LRP1B: variants seen among roughly 807,000 people sequenced by gnomAD.
LRP1B encodes the protein low-density lipoprotein receptor-related protein 1B.
LRP1B carries 217 observed loss-of-function variants against 556.6 expected under a neutral mutation model. That is an observed-to-expected ratio of 0.39 (90% CI 0.35 to 0.44). The LOEUF (loss-of-function observed/expected upper bound fraction) is 0.44. Among genes scored for constraint, LRP1B ranks in the 20% least tolerant of loss-of-function variants. The pLI is 1.00. For synonymous variants in LRP1B, 2,047 were observed against 1,865.8 expected, an observed-to-expected ratio of 1.10 and a Z score of -2.50; for missense variants, 5,053 against 5,620.8, an observed-to-expected ratio of 0.90 and a Z score of 3.23.
At chr2:141,029,684 G>C (rs530549680) in intron 11 of LRP1B, among the ~76,000 whole-genome samples, 1 of 152,244 alleles carries the variant, frequency 6.6e-6, no homozygotes, top group East Asian at 1.9e-4. Flanking sequence ...CTCCCGGGCA[G>C]GGTAACCAGT....
chr2:140,876,583 T>C (rs566083490), intron 25 of LRP1B, among the ~76,000 whole-genome samples: 2 of 152,272 alleles, frequency 1.3e-5, no homozygotes, highest in South Asian at 4.2e-4. Flanking sequence ...ACCATCCCTG[T>C]ACAGGGTTCC....
chr2:140,545,559 G>T (rs1378472578), intron 43 of LRP1B, among the ~76,000 whole-genome samples: 4 of 152,016 alleles, frequency 2.6e-5, no homozygotes, highest in African/African-American at 9.7e-5. Flanking sequence ...CCCTTTGCTT[G>T]TTTTTGTCAG....
At chr2:140,702,917 T>C (rs1204718800) in intron 37 of LRP1B, among the ~76,000 whole-genome samples, 1 of 152,102 alleles carries the variant, frequency 6.6e-6, no homozygotes, top group African/African-American at 2.4e-5. Context: ...TGTGCTCTGC[T>C]TCACAACACA....
Position 142,130,807 on chromosome 2 carries a change from G to GGCAGC in LRP1B, c.-79_-78insGCTGC, listed in dbSNP as rs767585425. 1.3e-5 allele frequency: 15 copies of GGCAGC among 1,193,590 alleles called. No homozygotes were observed. Among genetic ancestry groups the GGCAGC allele is most frequent in the South Asian group, 6.4e-5 (5 of 78,062 alleles). The allele number at this position is 1,193,590 out of a possible 1,614,324, so 73.9% of individuals were successfully genotyped here. A position where few individuals can be genotyped will look rare whatever the true frequency, so the allele number is the denominator to read the frequency against. On this transcript the variant is annotated 5_prime_UTR_variant, in exon 1 of 91. Transcript: ENST00000389484. ...GGCCCGGCGGCGGCGGCGGCGGCAG[G>GGCAGC]GGCCGCTTGGAGCCTGGAATCGAGC... is the stretch of plus-strand genomic sequence containing the variant.
chr2:141,225,293 T>C (rs574806298), intron 6 of LRP1B, among the ~76,000 whole-genome samples: 44 of 152,210 alleles, frequency 2.9e-4, no homozygotes, highest in African/African-American at 8.9e-4. Flanking sequence ...TATTGAAGAA[T>C]TCACCCATAA....
At chr2:141,053,787 A>T (rs1431370811) in intron 10 of LRP1B, among the ~76,000 whole-genome samples, 1 of 150,998 alleles carries the variant, frequency 6.6e-6, no homozygotes, top group Non-Finnish European at 1.5e-5. Context: ...TTTTTCCTCC[A>T]ATGTGTGTAT....
intron 41 of LRP1B, among the ~76,000 whole-genome samples, chr2:140,687,887 A>T (rs1168020395): frequency 6.6e-6 from 1 of 152,114 alleles, no homozygotes; most frequent in East Asian, 1.9e-4. Context: ...TCCACAGGTG[A>T]TCTACTGTTT....
intron 1 of LRP1B, among the ~76,000 whole-genome samples, chr2:142,009,115 G>T (rs574227277): frequency 1.3e-5 from 2 of 152,262 alleles, no homozygotes; most frequent in South Asian, 2.1e-4. Flanking sequence ...GGAAATTGTT[G>T]CAGGAATTGC....
chr2:140,903,027 T>C lies in LRP1B; in HGVS notation c.3659A>G (p.Asn1220Ser), dbSNP rs766406935. The C allele has an allele frequency of 5.6e-6, 9 of 1,613,650 alleles. No homozygotes were observed. The highest frequency in any genetic ancestry group is 5.3e-5 in the African/African-American group (4 of 74,908). ...ACATACTTGGCTGCACTTTAGATGA[T>C]TGCTACAATAATCCACAATTTCACA... ...KTCEIVDYCS[N>S]HLKCSQVCEQ... Residue 1220 changes from asparagine to serine, a missense_variant, in exon 23 of 91, where the codon AAT becomes AGT. Asn to Ser is a conservative substitution (Grantham distance 46). Around this residue, in one of 5 missense-constraint regions of LRP1B, gnomAD observed 3,619 missense variants for 3,931.9 expected, o/e 0.92. Transcript: ENST00000389484.
chr2:141,120,853 A>G (rs1367105031), intron 7 of LRP1B, among the ~76,000 whole-genome samples: 1 of 151,988 alleles, frequency 6.6e-6, no homozygotes, highest in African/African-American at 2.4e-5. Flanking sequence ...GTCAGAAAAT[A>G]TGAGGTATTA....
intron 2 of LRP1B, among the ~76,000 whole-genome samples, chr2:141,661,356 A>C (rs971246392): frequency 6.6e-6 from 1 of 152,228 alleles, no homozygotes; most frequent in African/African-American, 2.4e-5. Context: ...AGTAGCCTTC[A>C]GAAGGTAGGT....
At chr2:141,627,837 C>A (rs1688758171) in intron 2 of LRP1B, among the ~76,000 whole-genome samples, 1 of 152,124 alleles carries the variant, frequency 6.6e-6, no homozygotes, top group South Asian at 2.1e-4. Context: ...ATGCATCACC[C>A]TGGTGCAGGA....
intron 2 of LRP1B, among the ~76,000 whole-genome samples, chr2:141,660,445 G>A (rs766685929): frequency 6.4e-4 from 98 of 152,172 alleles, no homozygotes; most frequent in Non-Finnish European, 3.4e-4. Flanking sequence ...GGAGTGGGGC[G>A]GCAGCCATCA....
intron 3 of LRP1B, among the ~76,000 whole-genome samples, chr2:141,421,034 T>C (rs1680118442): frequency 6.6e-6 from 1 of 152,170 alleles, no homozygotes; most frequent in Non-Finnish European, 1.5e-5. Context: ...AACGTAGCTG[T>C]TCTTGGCTTT....
At chr2:141,352,793 C>A (rs1420315106) in intron 3 of LRP1B, among the ~76,000 whole-genome samples, 1 of 151,880 alleles carries the variant, frequency 6.6e-6, no homozygotes, top group Non-Finnish European at 1.5e-5. Flanking sequence ...AAATCATGAT[C>A]TATAATTATT....
intron 2 of LRP1B, among the ~76,000 whole-genome samples, chr2:141,781,691 T>G (rs973147606): frequency 6.6e-6 from 1 of 152,172 alleles, no homozygotes; most frequent in Non-Finnish European, 1.5e-5. Flanking sequence ...CAAATAGCAC[T>G]AGCTGGCTTT....
chr2:140,544,120 T>C (rs1460815828), intron 43 of LRP1B, among the ~76,000 whole-genome samples: 2 of 152,018 alleles, frequency 1.3e-5, no homozygotes, highest in Admixed American at 1.3e-4. Flanking sequence ...AACATTTATA[T>C]TCCTTTAATA....
chr2:140,878,090 G>A (rs1693366249), intron 25 of LRP1B, among the ~76,000 whole-genome samples: 3 of 152,110 alleles, frequency 2.0e-5, no homozygotes, highest in African/African-American at 7.2e-5. Flanking sequence ...CATTGGGAAA[G>A]GATAAAAATG....
chr2:140,616,842 C>A (rs1683274397), intron 41 of LRP1B, among the ~76,000 whole-genome samples: 1 of 151,818 alleles, frequency 6.6e-6, no homozygotes, highest in Non-Finnish European at 1.5e-5. Flanking sequence ...ACTATCAGTT[C>A]ATGCCCTAGC....
Sources: allele counts gnomAD v4.1 joint callset (sites outside exome capture counted in the v4.1 genomes callset), GRCh38; gene constraint gnomAD v4.1.1; regional missense constraint gnomAD v4.1.1; transcripts MANE v1.5; gene names NCBI Gene and HGNC (gene_info 2026-07-23, HGNC 2026-07-21).